The following CSMD1 variants were observed in gnomAD, a reference collection of about 807,000 sequenced individuals.
CSMD1 encodes the protein CUB and sushi domain-containing protein 1.
CSMD1 carries 213 observed loss-of-function variants against 417.5 expected under a neutral mutation model. The ratio of observed to expected loss-of-function variants is 0.51; its 90% CI spans 0.46 to 0.57. CSMD1 has a LOEUF of 0.57. Among genes scored for constraint, CSMD1 ranks in the 20% least tolerant of loss-of-function variants. The pLI, the probability that CSMD1 is intolerant of heterozygous loss-of-function variation, is 0.00. For synonymous variants in CSMD1, 2,862 were observed against 1,736.8 expected (o/e 1.65, Z -16.11); for missense variants, 6,923 against 4,529.7 (o/e 1.53, Z -15.17).
At chr8:3,386,636 G>A (rs953920394) in intron 18 of CSMD1, among the ~76,000 whole-genome samples, 6 of 152,186 alleles carry the variant, frequency 3.9e-5, no homozygotes, top group African/African-American at 1.2e-4. Context: ...AAATACCTTT[G>A]TCTGTGAAAA....
At chr8:4,358,929 A>T (rs1032197492) in intron 3 of CSMD1, among the ~76,000 whole-genome samples, 6 of 152,076 alleles carry the variant, frequency 3.9e-5, no homozygotes, top group African/African-American at 1.4e-4. Context: ...AAAACTGAAT[A>T]ATTAGTACAT....
At chr8:4,333,646 A>C (rs959520291) in intron 3 of CSMD1, among the ~76,000 whole-genome samples, 1 of 152,162 alleles carries the variant, frequency 6.6e-6, no homozygotes, top group African/African-American at 2.4e-5. Flanking sequence ...ATCTAGACAC[A>C]CTGAGAACAC....
At chr8:3,578,988 G>A (rs549809009) in intron 9 of CSMD1, among the ~76,000 whole-genome samples, 5 of 152,156 alleles carry the variant, frequency 3.3e-5, no homozygotes, top group African/African-American at 1.2e-4. Context: ...TCTTGCAAAG[G>A]CCTTGCCTCT....
intron 51 of CSMD1, among the ~76,000 whole-genome samples, chr8:3,021,145 G>A (rs953650572): frequency 6.6e-6 from 1 of 152,298 alleles, no homozygotes; most frequent in East Asian, 1.9e-4. Flanking sequence ...TTCAATGGTA[G>A]AGAAGCAAGA....
intron 1 of CSMD1, among the ~76,000 whole-genome samples, chr8:4,849,591 C>T (rs1801346727): frequency 6.6e-6 from 1 of 151,986 alleles, no homozygotes; most frequent in African/African-American, 2.4e-5. Context: ...ATCTTTTATA[C>T]CATAATTTTA....
intron 1 of CSMD1, among the ~76,000 whole-genome samples, chr8:4,885,478 A>G (rs1393053709): frequency 6.6e-6 from 1 of 151,978 alleles, no homozygotes; most frequent in Non-Finnish European, 1.5e-5. Flanking sequence ...ATTTTCATAA[A>G]TGTCCTTTAT....
chr8:3,685,830 C>G (rs919965208), intron 7 of CSMD1, among the ~76,000 whole-genome samples: 5 of 152,020 alleles, frequency 3.3e-5, no homozygotes, highest in Admixed American at 6.6e-5. Flanking sequence ...TTGACACAGG[C>G]ATGCGACGTA....
At chr8:3,559,097 G>A (rs1799355415) in intron 10 of CSMD1, among the ~76,000 whole-genome samples, 1 of 152,184 alleles carries the variant, frequency 6.6e-6, no homozygotes, top group African/African-American at 2.4e-5. Context: ...AACATCCTCT[G>A]ATTTTAACTT....
At chr8:3,634,889 G>C (rs1051479957) in intron 7 of CSMD1, among the ~76,000 whole-genome samples, 4 of 152,108 alleles carry the variant, frequency 2.6e-5, no homozygotes, top group African/African-American at 9.7e-5. Context: ...AGTAGAGCCT[G>C]CTGGGCTATA....
intron 10 of CSMD1, among the ~76,000 whole-genome samples, chr8:3,559,886 G>C (rs1305462510): frequency 1.3e-5 from 2 of 152,136 alleles, no homozygotes; most frequent in African/African-American, 2.4e-5. Context: ...GAATGGAAGA[G>C]GGGTTGAAGA....
intron 18 of CSMD1, among the ~76,000 whole-genome samples, chr8:3,377,118 C>T (rs970549599): frequency 6.7e-6 from 1 of 148,698 alleles, no homozygotes; most frequent in Non-Finnish European, 1.5e-5. Context: ...AAGTGATCCC[C>T]CTGCCTCAGC....
intron 9 of CSMD1, among the ~76,000 whole-genome samples, chr8:3,576,687 G>A (rs974778842): frequency 2.0e-5 from 3 of 152,118 alleles, no homozygotes; most frequent in Non-Finnish European, 4.4e-5. Flanking sequence ...AAGGTCACTG[G>A]ACAAAGGACT....
intron 10 of CSMD1, among the ~76,000 whole-genome samples, chr8:3,562,001 T>A (rs7816462): frequency 6.6e-6 from 1 of 151,730 alleles, no homozygotes; most frequent in Non-Finnish European, 1.5e-5. Flanking sequence ...GTCAGAAACT[T>A]TGTGAAGGAG....
intron 2 of CSMD1, among the ~76,000 whole-genome samples, chr8:4,532,985 G>T (rs1469836195): frequency 6.6e-6 from 1 of 151,730 alleles, no homozygotes; most frequent in East Asian, 1.9e-4. Context: ...CAGTCACTCT[G>T]GAAAAGAAAT....
At chr8:4,299,300 C>G (rs980686320) in intron 3 of CSMD1, among the ~76,000 whole-genome samples, 1 of 152,142 alleles carries the variant, frequency 6.6e-6, no homozygotes, top group African/African-American at 2.4e-5. Context: ...ACCCCCATCA[C>G]CCCCAGAGAA....
chr8:4,404,182 C>T (rs1400571304), intron 3 of CSMD1, among the ~76,000 whole-genome samples: 3 of 152,154 alleles, frequency 2.0e-5, no homozygotes, highest in African/African-American at 7.2e-5. Context: ...AATATTGAAA[C>T]TCAACCTATA....
Position 4,491,884 on chromosome 8 carries a change from A to T in CSMD1, c.303-71819T>A, listed in dbSNP as rs188110256. 5.6e-4 allele frequency among the ~76,000 whole-genome samples: 86 copies of T among 152,326 alleles called. 1 individual carries two copies. In the Middle Eastern group the frequency reaches 0.027, roughly 48 times the overall value. ...GTCCTCTTTGGTCTTTATGTAAATG[A>T]GTTGAAAAGTTATGTTCACACAAAA... On this transcript the variant is annotated intron_variant, in intron 2 of 69. Coordinates refer to ENST00000635120, the MANE Select transcript of CSMD1 (RefSeq NM_033225.6).
At chr8:3,512,267 T>C (rs1490132517) in intron 10 of CSMD1, among the ~76,000 whole-genome samples, 3 of 152,212 alleles carry the variant, frequency 2.0e-5, no homozygotes, top group Admixed American at 6.5e-5. Context: ...TCTTCAGGGA[T>C]GGACTGGAAG....
intron 68 of CSMD1, among the ~76,000 whole-genome samples, chr8:2,943,476 C>T (rs1802025953): frequency 6.6e-6 from 1 of 152,138 alleles, no homozygotes; most frequent in South Asian, 2.1e-4. Context: ...GATCCACCTG[C>T]CTCGGCCTCG....
Sources: gnomAD v4.1 joint callset for allele counts (sites outside exome capture counted in the v4.1 genomes callset) on GRCh38, gnomAD v4.1.1 for gene constraint, MANE v1.5 for transcripts, NCBI Gene and HGNC (gene_info 2026-07-23, HGNC 2026-07-21) for gene names.